LALBA: variants seen among roughly 807,000 people sequenced by gnomAD.
LALBA encodes lactalbumin alpha, also known as alpha-lactalbumin.
Under a neutral mutation model 13.4 loss-of-function variants are expected in LALBA, and 12 were observed. The ratio of observed to expected loss-of-function variants is 0.89; its 90% confidence interval spans 0.57 to 1.45. LALBA has a LOEUF of 1.45. Ranked by LOEUF, LALBA falls within the 40% of genes most tolerant of loss-of-function variation. The pLI is 0.00. For missense variants in LALBA, 145 were observed against 165.9 expected (o/e 0.87, Z 0.69); for synonymous variants, 64 against 61.0 (o/e 1.05, Z -0.23).
At chr12:48,568,617 T>C (rs754438653) in intron 2 of LALBA, 25 bp from the exon 3 acceptor site, 11 of 1,421,094 alleles carry the variant, frequency 7.7e-6, no homozygotes, top group Non-Finnish European at 7.9e-6. Context: ...AGGGAAAGGA[T>C]TGAGACAGCT....
rs118046774 is a variant in LALBA, at chr12:48,568,042, G to A, written c.369-25C>T. ...CCTGATAATGGAGAAGGGGGACAAG[G>A]TGAGTTAGCTGACTGAATCTTTACA... On this transcript the variant is annotated intron_variant, in intron 3 of 3. Transcript: ENST00000301046. 5,391 of 1,560,932 alleles carry A rather than the reference G, an allele frequency of 3.5e-3. 11 individuals carry two copies. The highest frequency in any genetic ancestry group is 4.2e-3 in the Non-Finnish European group (4,749 of 1,143,736).
In LALBA at chr12:48,569,947, C is replaced by T. The variant is rs1242315264; in HGVS notation, c.74G>A (p.Cys25Tyr). ...GTCTTTCAGCAGCTGGGACAGCTCACATTTTGTGAATTGCTTGGCCAGGAT... is the reference window on the plus strand; with the variant it reads ...GTCTTTCAGCAGCTGGGACAGCTCATATTTTGTGAATTGCTTGGCCAGGAT... ...PAILAKQFTK[C>Y]ELSQLLKDID... Residue 25 changes from cysteine to tyrosine, a missense_variant, in exon 1 of 4, where the codon TGT (cysteine) becomes TAT (tyrosine). By Grantham distance (194) the Cys-to-Tyr change is radical. Transcript: ENST00000301046. The T allele has an allele frequency of 6.2e-7, 1 of 1,614,038 alleles. No individual in the cohort carries two copies. Among genetic ancestry groups the T allele is most frequent in the Non-Finnish European group, 8.5e-7 (1 of 1,179,986 alleles).
rs1938599448 is a variant in LALBA at position 48,568,958 on chromosome 12, C to A, written c.292+124G>T. The stretch of plus-strand genomic sequence containing the variant: ...CTTACTCAGTACTGCCAATTCAAGT[C>A]CCACAATTTTTATAGAGCCCAGCCA... On this transcript the variant is annotated intron_variant, in intron 2 of 3. Transcript: ENST00000301046. 4.9e-6 allele frequency: 4 copies of A among 821,248 alleles called. No individual in the cohort carries two copies. In the East Asian group the frequency reaches 7.6e-5, roughly 16 times the overall value. 50.9% of individuals were successfully genotyped at this position (821,248 alleles called of 1,614,324 possible).
At chr12:48,571,032 G>A (rs1331017058), upstream of LALBA, among the ~76,000 whole-genome samples, 5 of 144,150 alleles carry the variant, frequency 3.5e-5, no homozygotes, top group African/African-American at 7.7e-5. Context: ...GCTATTATCA[G>A]ATTCCCCACC....
Position 48,568,578 on chromosome 12 carries a change from C to G in LALBA, c.307G>C (p.Asp103His). The G allele has an allele frequency of 6.3e-7, 1 of 1,596,814 alleles. No individual in the cohort carries two copies. The highest frequency in any genetic ancestry group is 8.6e-7 in the Non-Finnish European group (1 of 1,167,114). ...GCACACATTATGTCATCAGTAATGTCATCATCCAGGAACTCTGGCAGGAGT... is the reference window on the plus strand; with the variant it reads ...GCACACATTATGTCATCAGTAATGTGATCATCCAGGAACTCTGGCAGGAGT... ...DISCDKFLDD[D>H]ITDDIMCAKK... Residue 103 changes from aspartate to histidine, a missense_variant, in exon 3 of 4, where the codon GAC (aspartate) becomes CAC (histidine). Physicochemically the swap from Asp to His is moderately conservative, Grantham distance 81 (BLOSUM62 -1). Coordinates refer to ENST00000301046, the MANE Select transcript of LALBA (RefSeq NM_002289.3).
At chr12:48,568,364 T>A in intron 3 of LALBA, 153 bp downstream of exon 3, 1 of 658,872 alleles carries the variant, frequency 1.5e-6, no homozygotes, top group Non-Finnish European at 2.7e-6. Flanking sequence ...GAGAGAGGCT[T>A]AATAACAGAA....
chr12:48,570,304 T>G (rs1459967990), upstream of LALBA, among the ~76,000 whole-genome samples: 1 of 152,210 alleles, frequency 6.6e-6, no homozygotes, highest in Non-Finnish European at 1.5e-5. Flanking sequence ...TGTTTAGCCC[T>G]TTGTTTCTTG....
upstream of LALBA, among the ~76,000 whole-genome samples, chr12:48,570,479 T>A (rs1377228406): frequency 6.6e-6 from 1 of 152,044 alleles, no homozygotes; most frequent in East Asian, 1.9e-4. Context: ...GTGTATGTCA[T>A]CACATGCCAC....
intron 1 of LALBA, 28 bp from the exon 2 acceptor site, chr12:48,569,268 A>T: frequency 6.4e-7 from 1 of 1,569,646 alleles, no homozygotes; most frequent in Admixed American, 1.7e-5. Flanking sequence ...AAGAGATACC[A>T]CAGAGATGTA....
intron 2 of LALBA, 68 bp from the exon 3 acceptor site, chr12:48,568,660 C>T: frequency 1.1e-6 from 1 of 928,836 alleles, no homozygotes. Flanking sequence ...ACTGAGTTCC[C>T]CTAACCCCTG....
chr12:48,570,993 A>AG (rs1267388734), upstream of LALBA, among the ~76,000 whole-genome samples: 1 of 151,484 alleles, frequency 6.6e-6, no homozygotes, highest in Non-Finnish European at 1.5e-5. Flanking sequence ...AAAAAAAAAA[A>AG]AAAAAAAAAG....
In LALBA at chr12:48,567,884, A is replaced by G; in HGVS notation, c.*73T>C. Reference sequence around the variant, plus strand: ...AAGCTTTGGGGGAACAGAAAGAAACAAACTGAGGTGGCATTAGGGAAGAGG... The same window carrying G: ...AAGCTTTGGGGGAACAGAAAGAAACGAACTGAGGTGGCATTAGGGAAGAGG... On this transcript the variant is annotated 3_prime_UTR_variant, in exon 4 of 4. Coordinates refer to ENST00000301046, the MANE Select transcript of LALBA (RefSeq NM_002289.3). The G allele has an allele frequency of 8.0e-7, 1 of 1,255,340 alleles. No homozygotes were observed. 77.8% of individuals were successfully genotyped at this position (1,255,340 alleles called of 1,614,324 possible). A position where few individuals can be genotyped will look rare whatever the true frequency, so the allele number is the denominator to read the frequency against.
chr12:48,567,713 C>T lies in LALBA; in HGVS notation c.*244G>A. On this transcript the variant is annotated 3_prime_UTR_variant, in exon 4 of 4. Transcript: ENST00000301046. ...TTCAAAGTGGGACCTTTATTCAAGA[C>T]AGAGGTGAAATCTGTGCTGTAGTGA... The T allele has an allele frequency of 2.3e-6, 1 of 427,600 alleles. No homozygotes were observed. Among genetic ancestry groups the T allele is most frequent in the African/African-American group, 2.0e-5 (1 of 49,614 alleles). The allele number at this position is 427,600 out of a possible 1,614,324, so 26.5% of individuals were successfully genotyped here. A position where few individuals can be genotyped will look rare whatever the true frequency, so the allele number is the denominator to read the frequency against.
At position 48,568,013 on chromosome 12, in the gene LALBA, C is replaced by T. The variant is rs1186948265; in HGVS notation, c.373G>A (p.Ala125Thr). Residue 125 changes from alanine (A) to threonine (T), a missense_variant, in exon 4 of 4, where the codon GCC (alanine) becomes ACC (threonine). Transcript: ENST00000301046. ...TTCTCAGTGCAGAGGGCTTTATGGG[C>T]CAACCTGATAATGGAGAAGGGGGAC... ...LDIKGIDYWL[A>T]HKALCTEKLE... is the part of the protein sequence containing the mutation. 1.2e-5 allele frequency: 19 copies of T among 1,596,846 alleles called. No homozygotes were observed. Among genetic ancestry groups the T allele is most frequent in the Non-Finnish European group, 1.6e-5 (19 of 1,171,576 alleles).
chr12:48,571,300 C>T (rs888727206), upstream of LALBA, among the ~76,000 whole-genome samples: 1 of 151,624 alleles, frequency 6.6e-6, no homozygotes, highest in African/African-American at 2.4e-5. Context: ...AGCTTCATGT[C>T]ATGGTGACAA....
Position 48,567,826 on chromosome 12 carries a change from T to C in LALBA, c.*131A>G, listed in dbSNP as rs1221175253. 7.9e-6 allele frequency: 6 copies of C among 760,812 alleles called. No individual in the cohort carries two copies. Among genetic ancestry groups the C allele is most frequent in the Non-Finnish European group, 1.3e-5 (6 of 446,010 alleles). 47.1% of individuals were successfully genotyped at this position (760,812 alleles called of 1,614,324 possible). ...AAAATAGTCTTCAAGAATTCGGTGA[T>C]GTCACTACAGGGCCCAAGGCTCAGA... On this transcript the variant is annotated 3_prime_UTR_variant, in exon 4 of 4. Coordinates refer to ENST00000301046, the MANE Select transcript of LALBA (RefSeq NM_002289.3).
chr12:48,569,393 T>A (rs1938605186), intron 1 of LALBA, among the ~76,000 whole-genome samples, 153 bp from the exon 2 acceptor site: 1 of 151,678 alleles, frequency 6.6e-6, no homozygotes, highest in Non-Finnish European at 1.5e-5. Flanking sequence ...CAAAAAAAAA[T>A]CAGACAATAA....
chr12:48,570,629 G>C (rs373535561), upstream of LALBA, among the ~76,000 whole-genome samples: 3 of 152,084 alleles, frequency 2.0e-5, no homozygotes, highest in African/African-American at 7.2e-5. Context: ...ACAACAATCC[G>C]ATATAACTTG....
At chr12:48,568,864 C>T (rs929710791) in intron 2 of LALBA, among the ~76,000 whole-genome samples, 1 of 152,200 alleles carries the variant, frequency 6.6e-6, no homozygotes, top group Admixed American at 6.5e-5. Flanking sequence ...CAGACAGCTC[C>T]GATTGTCTAC....
Sources: gnomAD v4.1 joint callset for allele counts (sites outside exome capture counted in the v4.1 genomes callset) on GRCh38, gnomAD v4.1.1 for gene constraint, MANE v1.5 for transcripts, NCBI Gene and HGNC (gene_info 2026-07-23, HGNC 2026-07-21) for gene names.